PRKG1: variants seen among roughly 807,000 people sequenced by gnomAD.
PRKG1 encodes the protein cGMP-dependent protein kinase 1.
A neutral mutation model predicts 88.1 loss-of-function variants in PRKG1; 35 were observed. That is an observed-to-expected ratio of 0.40 (90% CI 0.30 to 0.53). The LOEUF is 0.53. PRKG1 is among the 20% of genes least tolerant of loss of function. The pLI is 0.59. For synonymous variants in PRKG1, 303 were observed against 292.5 expected (o/e 1.04, Z -0.37); for missense variants, 540 against 839.8 (o/e 0.64, Z 4.41).
At chr10:51,699,545 G>T (rs756280338) in intron 3 of PRKG1, 5 of 1,608,400 alleles carry the variant, frequency 3.1e-6, no homozygotes, top group Non-Finnish European at 3.4e-6. Context: ...CGCCAAACTC[G>T]ACATGATTCC....
chr10:51,302,333 G>A (rs1589334684), intron 2 of PRKG1, among the ~76,000 whole-genome samples: 2 of 152,112 alleles, frequency 1.3e-5, no homozygotes, highest in Non-Finnish European at 2.9e-5. Flanking sequence ...ATTATTCCCT[G>A]TAAAATATTA....
intron 3 of PRKG1, among the ~76,000 whole-genome samples, chr10:51,537,241 C>A (rs1370054428): frequency 6.6e-6 from 1 of 152,006 alleles, no homozygotes; most frequent in Non-Finnish European, 1.5e-5. Context: ...ATGTTTGTAT[C>A]CTTTGTACCT....
chr10:52,132,287 A>T (rs1440476295), intron 7 of PRKG1, among the ~76,000 whole-genome samples: 4 of 152,282 alleles, frequency 2.6e-5, no homozygotes, highest in Admixed American at 2.0e-4. Context: ...GAAGTGGAAG[A>T]TTATTTTAAA....
intron 2 of PRKG1, among the ~76,000 whole-genome samples, chr10:51,389,554 T>G (rs1564472625): frequency 6.6e-6 from 1 of 152,116 alleles, no homozygotes; most frequent in Non-Finnish European, 1.5e-5. Flanking sequence ...GGCAGACAGC[T>G]CTAGGTTTGC....
chr10:51,056,803 A>G (rs1026437139), intron 1 of PRKG1, among the ~76,000 whole-genome samples: 1 of 151,154 alleles, frequency 6.6e-6, no homozygotes, highest in Non-Finnish European at 1.5e-5. Flanking sequence ...CTCTCTTCCA[A>G]CAAAATGAAC....
chr10:51,406,013 G>T (rs967489632), intron 2 of PRKG1, among the ~76,000 whole-genome samples: 1 of 152,104 alleles, frequency 6.6e-6, no homozygotes, highest in African/African-American at 2.4e-5. Flanking sequence ...TCTGTTTAAG[G>T]CCCGTGGAGT....
intron 1 of PRKG1, among the ~76,000 whole-genome samples, chr10:51,075,661 A>G (rs1843930400): frequency 6.6e-6 from 1 of 152,208 alleles, no homozygotes. Context: ...GATACAGATA[A>G]GCACACTTAT....
At chr10:51,939,471 A>G (rs916779743) in intron 5 of PRKG1, among the ~76,000 whole-genome samples, 2 of 152,092 alleles carry the variant, frequency 1.3e-5, no homozygotes, top group Admixed American at 1.3e-4. Context: ...AAGGATGTAA[A>G]GAAGTAAAGC....
At chr10:51,935,752 C>G (rs556706630) in intron 5 of PRKG1, among the ~76,000 whole-genome samples, 2 of 152,078 alleles carry the variant, frequency 1.3e-5, no homozygotes, top group East Asian at 3.9e-4. Flanking sequence ...GGTTTTTTTG[C>G]CAATTTTATT....
chr10:51,150,355 C>T (rs1846040007), intron 1 of PRKG1, among the ~76,000 whole-genome samples: 1 of 151,888 alleles, frequency 6.6e-6, no homozygotes, highest in Non-Finnish European at 1.5e-5. Flanking sequence ...AGATGGAGGC[C>T]CTGATTAATT....
intron 10 of PRKG1, among the ~76,000 whole-genome samples, chr10:52,261,778 GGTTAA>G (rs1279980399): frequency 1.3e-5 from 2 of 152,012 alleles, no homozygotes; most frequent in South Asian, 2.1e-4. Context: ...TGTGATCTCT[GGTTAA>G]GTTAATAATA....
intron 2 of PRKG1, among the ~76,000 whole-genome samples, chr10:51,194,736 G>A (rs565229258): frequency 1.2e-4 from 19 of 152,050 alleles, no homozygotes; most frequent in Non-Finnish European, 1.9e-4. Flanking sequence ...TAAATTTATT[G>A]ACTCACGGTT....
At chr10:52,184,825 A>G (rs558139355) in intron 9 of PRKG1, 1 of 152,270 alleles carries the variant, frequency 6.6e-6, no homozygotes, top group East Asian at 1.9e-4. Context: ...GAGGTCCCAG[A>G]CTTTTAAACA....
intron 4 of PRKG1, among the ~76,000 whole-genome samples, chr10:51,854,729 C>T (rs538694483): frequency 1.3e-5 from 2 of 152,046 alleles, no homozygotes; most frequent in Admixed American, 6.5e-5. Context: ...CTAAAGTTAG[C>T]GTAATCTGGG....
At chr10:51,812,996 C>CACT (rs1427152202) in intron 4 of PRKG1, among the ~76,000 whole-genome samples, 2 of 152,162 alleles carry the variant, frequency 1.3e-5, no homozygotes, top group East Asian at 3.9e-4. Flanking sequence ...CTTGAAACAC[C>CACT]ACTGCACTGT....
At chr10:51,860,416 G>A (rs1333340843) in intron 4 of PRKG1, among the ~76,000 whole-genome samples, 2 of 152,130 alleles carry the variant, frequency 1.3e-5, no homozygotes, top group Non-Finnish European at 2.9e-5. Flanking sequence ...TCACTTACTG[G>A]TTCTCAAAAC....
intron 1 of PRKG1, among the ~76,000 whole-genome samples, chr10:51,095,431 T>C (rs1319112280): frequency 6.6e-6 from 1 of 152,152 alleles, no homozygotes; most frequent in Non-Finnish European, 1.5e-5. Flanking sequence ...GGGGACTTTA[T>C]TTACTTGGGC....
At chr10:51,367,914 G>A (rs1413858562) in intron 2 of PRKG1, among the ~76,000 whole-genome samples, 2 of 151,846 alleles carry the variant, frequency 1.3e-5, no homozygotes, top group Non-Finnish European at 2.9e-5. Context: ...TTACACCTCA[G>A]CTTGACCCCT....
At chr10:51,500,784 A>G (rs1452238852) in intron 3 of PRKG1, among the ~76,000 whole-genome samples, 2 of 152,126 alleles carry the variant, frequency 1.3e-5, no homozygotes, top group African/African-American at 2.4e-5. Context: ...GCCATCCCCA[A>G]AGGGTAGGCA....
Sources: gnomAD v4.1 joint callset for allele counts (sites outside exome capture counted in the v4.1 genomes callset) on GRCh38, gnomAD v4.1.1 for gene constraint, MANE v1.5 for transcripts, NCBI Gene and HGNC (gene_info 2026-07-23, HGNC 2026-07-21) for gene names.